Variants in DTNA observed in about 807,000 individuals in gnomAD.
DTNA encodes the protein dystrobrevin alpha.
A neutral mutation model predicts 100.7 loss-of-function variants in DTNA; 43 were observed. The observed-to-expected ratio is 0.43, with a 90% CI of 0.33 to 0.55. DTNA has a LOEUF of 0.55. DTNA is among the 20% of genes least tolerant of loss of function. The pLI, the probability that DTNA is intolerant of heterozygous loss-of-function variation, is 0.04. For missense variants in DTNA, 798 were observed against 953.9 expected, an observed-to-expected ratio of 0.84 and a Z score of 2.15; for synonymous variants, 349 against 347.9, an observed-to-expected ratio of 1.00 and a Z score of -0.04.
chr18:34,827,546 G>T, intron 9 of DTNA, 47 bp from the exon 10 acceptor site: 1 of 1,583,300 alleles, frequency 6.3e-7, no homozygotes, highest in Non-Finnish European at 8.7e-7. Context: ...TTAAATTTGT[G>T]ACTTTTATTT....
chr18:34,731,508 C>T (rs1444982305), intron 1 of DTNA, among the ~76,000 whole-genome samples: 2 of 151,472 alleles, frequency 1.3e-5, no homozygotes, highest in Non-Finnish European at 2.9e-5. Context: ...AAGATTTGTG[C>T]GAATTTTAGA....
intron 3 of DTNA, among the ~76,000 whole-genome samples, chr18:34,779,667 C>T (rs778029485): frequency 9.9e-5 from 15 of 152,112 alleles, no homozygotes; most frequent in Non-Finnish European, 1.9e-4. Context: ...TTTCAAAGCC[C>T]CCTCCCCCAA....
At chr18:34,805,107 A>G (rs1010132156) in intron 4 of DTNA, among the ~76,000 whole-genome samples, 4 of 152,248 alleles carry the variant, frequency 2.6e-5, no homozygotes, top group Non-Finnish European at 4.4e-5. Flanking sequence ...ATTAGCAACT[A>G]TCAAATAAAT....
At chr18:34,619,827 A>G (rs2056099563) in intron 1 of DTNA, among the ~76,000 whole-genome samples, 1 of 152,212 alleles carries the variant, frequency 6.6e-6, no homozygotes, top group Admixed American at 6.5e-5. Flanking sequence ...ATAAGTATTT[A>G]AAGCTATGAG....
At chr18:34,718,242 GAC>G (rs1192765133) in intron 1 of DTNA, among the ~76,000 whole-genome samples, 1 of 152,166 alleles carries the variant, frequency 6.6e-6, no homozygotes, top group Non-Finnish European at 1.5e-5. Context: ...TGAAATGTAT[GAC>G]ACATGACAAT....
intron 1 of DTNA, among the ~76,000 whole-genome samples, chr18:34,580,777 C>T (rs754237392): frequency 4.7e-4 from 72 of 152,146 alleles, no homozygotes; most frequent in Non-Finnish European, 7.9e-4. Context: ...ATGAAGACCT[C>T]TGCACCTTGA....
intron 19 of DTNA, among the ~76,000 whole-genome samples, chr18:34,878,858 G>A (rs1568885930): frequency 6.6e-6 from 1 of 152,106 alleles, no homozygotes. Flanking sequence ...CAAGACTATG[G>A]TCTTACAGCT....
intron 4 of DTNA, among the ~76,000 whole-genome samples, chr18:34,795,462 C>T (rs564524958): frequency 9.8e-5 from 15 of 152,294 alleles, no homozygotes; most frequent in African/African-American, 3.6e-4. Context: ...ACGAGATGTA[C>T]AGCTCTAGCT....
chr18:34,798,009 T>C (rs2095054005), intron 4 of DTNA, among the ~76,000 whole-genome samples: 1 of 151,338 alleles, frequency 6.6e-6, no homozygotes. Flanking sequence ...CTTTTAACTA[T>C]TTTTTTTTAA....
At chr18:34,744,613 G>A (rs1228691519) in intron 1 of DTNA, among the ~76,000 whole-genome samples, 1 of 152,156 alleles carries the variant, frequency 6.6e-6, no homozygotes, top group African/African-American at 2.4e-5. Flanking sequence ...GAGAGAATAA[G>A]ATGGAAAGAA....
intron 1 of DTNA, among the ~76,000 whole-genome samples, chr18:34,627,619 C>G (rs2057502261): frequency 6.6e-6 from 1 of 152,178 alleles, no homozygotes; most frequent in Non-Finnish European, 1.5e-5. Flanking sequence ...TCTCAGATCT[C>G]TGGCCCCATC....
intron 1 of DTNA, among the ~76,000 whole-genome samples, chr18:34,727,966 C>CA (rs894506091): frequency 2.0e-4 from 30 of 151,970 alleles, no homozygotes; most frequent in African/African-American, 7.2e-4. Context: ...GGGGAAAAGG[C>CA]AAAAAATGAT....
intron 1 of DTNA, among the ~76,000 whole-genome samples, chr18:34,635,506 T>C (rs958891314): frequency 1.3e-5 from 2 of 152,204 alleles, no homozygotes; most frequent in Non-Finnish European, 2.9e-5. Context: ...AGTTGCAGTG[T>C]AGAATCTTAA....
intron 13 of DTNA, among the ~76,000 whole-genome samples, chr18:34,844,463 CA>C (rs35835529): frequency 4.6e-5 from 7 of 151,226 alleles, no homozygotes; most frequent in South Asian, 2.1e-4. Flanking sequence ...TTCTAAATGC[CA>C]AAAAAAAGTG....
intron 9 of DTNA, among the ~76,000 whole-genome samples, chr18:34,824,932 T>TAAA (rs35456039): frequency 6.9e-4 from 67 of 96,854 alleles, no homozygotes; most frequent in African/African-American, 2.4e-3. Context: ...TTAGATACAG[T>TAAA]AAAAAAAAAA....
intron 1 of DTNA, among the ~76,000 whole-genome samples, chr18:34,754,206 G>A (rs1402654135): frequency 1.3e-5 from 2 of 151,998 alleles, no homozygotes; most frequent in African/African-American, 4.8e-5. Context: ...GGACCAATTT[G>A]ATAAACATCA....
intron 17 of DTNA, among the ~76,000 whole-genome samples, chr18:34,872,143 A>T (rs1228823956): frequency 1.3e-5 from 2 of 152,202 alleles, no homozygotes; most frequent in African/African-American, 4.8e-5. Flanking sequence ...GAATGCCCAC[A>T]GAAAGGAGTA....
At chr18:34,670,096 T>C (rs1183033464) in intron 1 of DTNA, among the ~76,000 whole-genome samples, 1 of 152,206 alleles carries the variant, frequency 6.6e-6, no homozygotes, top group African/African-American at 2.4e-5. Context: ...TTTCACATAG[T>C]CCCATATTTC....
chr18:34,866,551 C>T (rs1460975806), intron 17 of DTNA: 1 of 1,063,870 alleles, frequency 9.4e-7, no homozygotes, highest in Non-Finnish European at 1.1e-6. Context: ...CTAACCTCTA[C>T]ACCCACTCAC....
Sources: allele counts gnomAD v4.1 joint callset (sites outside exome capture counted in the v4.1 genomes callset), GRCh38; gene constraint gnomAD v4.1.1; transcripts MANE v1.5; gene names NCBI Gene and HGNC (gene_info 2026-07-23, HGNC 2026-07-21).